The following ANO1 variants were observed in gnomAD, a reference collection of about 807,000 sequenced individuals.
The protein encoded by ANO1 is anoctamin-1.
Under a neutral mutation model 124.0 loss-of-function variants are expected in ANO1, and 59 were observed. The ratio of observed to expected loss-of-function variants is 0.48; its 90% CI spans 0.39 to 0.59. ANO1 has a LOEUF of 0.59. Among genes scored for constraint, ANO1 ranks in the 20% least tolerant of loss-of-function variants. ANO1 has a pLI of 0.00. For missense variants in ANO1, 1,059 were observed against 1,328.0 expected (o/e 0.80, Z 3.15); for synonymous variants, 529 against 532.0 (o/e 0.99, Z 0.08).
chr11:70,023,252 A>G lies in ANO1; in HGVS notation c.58+37086A>G, dbSNP rs551726832. On this transcript the variant is annotated intron_variant, in intron 1 of 27. Coordinates refer to the ANO1 transcript ENST00000531349. ...CATGCCATGGCTCTGAGGCTTAATC[A>G]TTGTTGGACCGGCATGTGTTAGTGC... Among the ~76,000 whole-genome samples the G allele has an allele frequency of 2.6e-5, 4 of 152,304 alleles. No homozygotes were observed. In the East Asian group the frequency reaches 5.8e-4, roughly 22 times the overall value.
intron 11 of ANO1, among the ~76,000 whole-genome samples, chr11:70,140,197 G>A (rs1372803738): frequency 6.6e-6 from 1 of 152,176 alleles, no homozygotes; most frequent in Non-Finnish European, 1.5e-5. Context: ...AGAATTCAGG[G>A]TGAGTCCACA....
At chr11:70,056,422 C>G (rs1857435640) in intron 1 of ANO1, 1 of 151,882 alleles carries the variant, frequency 6.6e-6, no homozygotes, top group African/African-American at 2.4e-5. Flanking sequence ...TGTCTTTTTC[C>G]TCTGGCTGTT....
intron 24 of ANO1, among the ~76,000 whole-genome samples, chr11:70,183,268 G>C (rs1046472727): frequency 2.0e-5 from 3 of 152,236 alleles, no homozygotes; most frequent in African/African-American, 7.2e-5. Flanking sequence ...GATTTCCTCT[G>C]TGTTGCATTG....
chr11:69,969,049 C>G, the ANO1 span, among the ~76,000 whole-genome samples: 4 of 152,200 alleles, frequency 2.6e-5, no homozygotes, highest in African/African-American at 4.8e-5. Flanking sequence ...GTCAGTCACA[C>G]TCTAGTGTAA....
upstream of ANO1, chr11:70,075,325 ATGCT>A (rs1321411258): frequency 1.3e-5 from 2 of 152,126 alleles, no homozygotes; most frequent in African/African-American, 2.4e-5. Context: ...TTGTCACCTG[ATGCT>A]TGCATCCCCG....
chr11:69,980,966 C>T (rs1254293683), upstream of ANO1, among the ~76,000 whole-genome samples: 2 of 151,986 alleles, frequency 1.3e-5, no homozygotes, highest in Non-Finnish European at 2.9e-5. Flanking sequence ...GCAGGAGAAT[C>T]GCTTGAACCC....
intron 1 of ANO1, chr11:70,085,582 G>C: frequency 6.5e-7 from 1 of 1,535,938 alleles, no homozygotes; most frequent in African/African-American, 1.4e-5. Flanking sequence ...CCTAGGGCCA[G>C]AGAGGCCAAG....
chr11:70,024,557 TC>T lies in ANO1; in HGVS notation c.58+38394del, dbSNP rs1488223281. On this transcript the variant is annotated intron_variant, in intron 1 of 27. Coordinates refer to the ANO1 transcript ENST00000531349. The stretch of plus-strand genomic sequence containing the variant: ...ATGGGCTTGGCACTGTGCCAAGGGC[TC>T]CCTGGGCACCGTCTGCTTTCATCCT... 2.0e-5 allele frequency among the ~76,000 whole-genome samples: 3 copies of T among 152,166 alleles called. No individual in the cohort carries two copies. The East Asian group carries it at 5.8e-4, about 30-fold the overall frequency.
intron 24 of ANO1, 108 bp from the exon 25 acceptor site, chr11:70,185,482 C>T (rs572776938): frequency 4.3e-5 from 42 of 986,788 alleles, no homozygotes; most frequent in Admixed American, 9.1e-5. Context: ...CGGAGGCAGC[C>T]GCACACCAAG....
intron 1 of ANO1, among the ~76,000 whole-genome samples, chr11:70,061,296 G>A (rs1555007709): frequency 6.6e-6 from 1 of 152,122 alleles, no homozygotes; most frequent in African/African-American, 2.4e-5. Flanking sequence ...TATTGAATAA[G>A]GTGGGAGGCA....
intron 25 of ANO1, among the ~76,000 whole-genome samples, chr11:70,186,003 G>A (rs1173508161): frequency 6.6e-6 from 1 of 152,062 alleles, no homozygotes; most frequent in Non-Finnish European, 1.5e-5. Flanking sequence ...AAAGAGACAG[G>A]GGCCAGGCAC....
At chr11:70,073,305 G>A (rs1188707726) in intron 1 of ANO1, among the ~76,000 whole-genome samples, 1 of 152,180 alleles carries the variant, frequency 6.6e-6, no homozygotes, top group Non-Finnish European at 1.5e-5. Context: ...TGGGGAGGAA[G>A]CAGCTGTTTA....
intron 19 of ANO1, among the ~76,000 whole-genome samples, chr11:70,165,173 A>G (rs1338115261): frequency 6.6e-6 from 1 of 151,954 alleles, no homozygotes; most frequent in African/African-American, 2.4e-5. Context: ...CTCTGCCGCC[A>G]TGTTCACGCT....
intron 1 of ANO1, among the ~76,000 whole-genome samples, chr11:70,059,072 G>T (rs1190405506): frequency 6.6e-6 from 1 of 151,898 alleles, no homozygotes; most frequent in Non-Finnish European, 1.5e-5. Flanking sequence ...GGCGCCTGCA[G>T]TCCCAGCTAC....
upstream of ANO1, among the ~76,000 whole-genome samples, chr11:69,981,214 C>T (rs1347999890): frequency 4.6e-5 from 7 of 152,286 alleles, no homozygotes; most frequent in South Asian, 2.1e-4. Context: ...TTCTACCTTA[C>T]GGTAGCAGAG....
rs1437876204 is a variant in ANO1, at chr11:70,149,777, C to T, written c.1326C>T (p.Gly442=). 9 of 1,613,768 alleles carry T rather than the reference C, an allele frequency of 5.6e-6. No individual in the cohort carries two copies. Among genetic ancestry groups the T allele is most frequent in the Non-Finnish European group, 7.6e-6 (9 of 1,179,836 alleles). Reference sequence around the variant, plus strand: ...TCAACTACCGCTGGGACCTCACGGGCTTTGAAGAGGAAGAGGTCAGTGGGT... The same window carrying T: ...TCAACTACCGCTGGGACCTCACGGGTTTTGAAGAGGAAGAGGTCAGTGGGT... The part of the protein sequence containing the change: ...MRLNYRWDLT[G]FEEEEEAVKD... The change falls in exon 12 of 26, where the codon GGC becomes GGT. Residue 442 remains glycine, a synonymous_variant. Transcript: ENST00000355303.
At chr11:70,165,622 G>GT (rs2048227767) in intron 20 of ANO1, 52 bp downstream of exon 20, 2 of 1,485,042 alleles carry the variant, frequency 1.3e-6, no homozygotes, top group Middle Eastern at 1.9e-4. Context: ...AGGCGGAGGG[G>GT]TGTGTGGGTG....
chr11:70,167,245 G>A lies in ANO1; in HGVS notation c.2055G>A (p.Lys685=), dbSNP rs1461738405. The part of the protein sequence containing the change: ...QNNLFEIGIP[K]MKKLIRYLKL... ...TGCATGATGTCTCATCTCTCAGGAA[G>A]ATGAAGAAGCTCATCCGCTACCTGA... The change falls in exon 21 of 26, where the codon AAG becomes AAA. Residue 685 remains lysine (K), a synonymous_variant. Transcript: ENST00000355303. The A allele has an allele frequency of 6.2e-7, 1 of 1,613,962 alleles. No individual in the cohort carries two copies. The highest frequency in any genetic ancestry group is 1.7e-5 in the Admixed American group (1 of 60,004).
In ANO1 at chr11:70,187,976, G is replaced by T; in HGVS notation, c.2933G>T (p.Ser978Ile). Residue 978 changes from serine to isoleucine, a missense_variant, in exon 26 of 26, where the codon AGC becomes ATC. This residue lies in a region of ANO1 where 809 missense variants were observed against 1,094.9 expected (regional missense o/e 0.74). Transcript: ENST00000355303. ...GACAGCCTCGGCAGCCCAGCCCCCA[G>T]CCATGCCTACCACGGGGGCGTCCTG... ...CPDSLGSPAP[S>I]HAYHGGVL is the part of the protein sequence containing the mutation. 6.4e-7 allele frequency: 1 copy of T among 1,571,222 alleles called. No individual in the cohort carries two copies. Among genetic ancestry groups the T allele is most frequent in the Non-Finnish European group, 8.6e-7 (1 of 1,158,866 alleles).
Sources: allele counts gnomAD v4.1 joint callset (sites outside exome capture counted in the v4.1 genomes callset), GRCh38; gene constraint gnomAD v4.1.1; regional missense constraint gnomAD v4.1.1; transcripts MANE v1.5; gene names NCBI Gene and HGNC (gene_info 2026-07-23, HGNC 2026-07-21).